GZMH: variants seen among roughly 807,000 people sequenced by gnomAD.
The protein encoded by GZMH is granzyme H, also known as cathepsin G-like 2, protein h-CCPX.
In GZMH, 24 loss-of-function variants were observed where a neutral mutation model predicts 20.7. The ratio of observed to expected loss-of-function variants is 1.16; its 90% CI spans 0.84 to 1.63. The LOEUF (loss-of-function observed/expected upper bound fraction) is 1.63, where lower values mean the gene tolerates loss of function less well. GZMH is among the 40% of genes most tolerant of loss of function. The probability of loss-of-function intolerance (pLI) is 0.00; values close to 1 mark genes in which losing one functional copy is unlikely to be tolerated. For synonymous variants in GZMH, 119 were observed against 116.1 expected, an observed-to-expected ratio of 1.02 and a Z score of -0.16; for missense variants, 344 against 302.7, an observed-to-expected ratio of 1.14 and a Z score of -1.01.
In GZMH at chr14:24,608,393, A is replaced by T; in HGVS notation, c.75T>A (p.His25Gln). 1 of 1,614,066 alleles carries T rather than the reference A, an allele frequency of 6.2e-7. No homozygotes were observed. The highest frequency in any genetic ancestry group is 2.2e-5 in the East Asian group (1 of 44,884). The stretch of plus-strand genomic sequence containing the variant: ...AGGGGCGGGAGTGGGGCTTGGCCTC[A>T]TGGCCCCCGATGATCTCCTCTGAAA... The part of the protein sequence containing the change: ...GAGTEEIIGG[H>Q]EAKPHSRPYM... The change falls in exon 2 of 5, where the codon CAT becomes CAA. Residue 25 changes from histidine to glutamine, a missense_variant. His to Gln is a conservative substitution (Grantham distance 24, BLOSUM62 0). Transcript: ENST00000216338.
chr14:24,606,657 G>A lies in GZMH; in HGVS notation c.687C>T (p.Tyr229=), dbSNP rs199784429. Reference sequence around the variant, plus strand: ...AGGGCAGGAAGTGTGAGACCTTGATGTAGACTCCTGGAGGTGTCCCTTTTT... The same window carrying A: ...AGGGCAGGAAGTGTGAGACCTTGATATAGACTCCTGGAGGTGTCCCTTTTT... ...GNKKGTPPGV[Y]IKVSHFLPWI... The change falls in exon 5 of 5, where the codon TAC becomes TAT. Residue 229 remains tyrosine (Y), a synonymous_variant. Coordinates refer to ENST00000216338, the MANE Select transcript of GZMH (RefSeq NM_033423.5). 2.2e-4 allele frequency: 347 copies of A among 1,613,864 alleles called. 4 individuals carry two copies. The South Asian group carries it at 3.3e-3, about 15-fold the overall frequency.
Position 24,607,331 on chromosome 14 carries a change from C to A in GZMH, c.415G>T (p.Gly139Trp). The A allele has an allele frequency of 6.2e-7, 1 of 1,613,162 alleles. No individual in the cohort carries two copies. The highest frequency in any genetic ancestry group is 1.1e-5 in the South Asian group (1 of 91,058). Residue 139 changes from glycine to tryptophan, a missense_variant, in exon 4 of 5, where the codon GGG (glycine) becomes TGG (tryptophan). By Grantham distance (184) the Gly-to-Trp change is radical. Transcript: ENST00000216338. ...CAGCCAGCCACACTGCACAGCTGCC[C>A]TGGCTTCACCTGGGCCTTGCTGCTA... is the stretch of plus-strand genomic sequence containing the variant. ...LPSSKAQVKP[G>W]QLCSVAGWGY...
chr14:24,606,899 C>G (rs1237912724), intron 4 of GZMH, among the ~76,000 whole-genome samples, 153 bp from the exon 5 acceptor site: 1 of 152,130 alleles, frequency 6.6e-6, no homozygotes, highest in African/African-American at 2.4e-5. Context: ...CTTTCTGGCT[C>G]TCCCCAGACC....
chr14:24,609,434 A>C, intron 1 of GZMH, 125 bp downstream of exon 1: 1 of 597,862 alleles, frequency 1.7e-6, no homozygotes, highest in Non-Finnish European at 3.0e-6. Flanking sequence ...CTAGCCTCAG[A>C]TTTATAAGTC....
At chr14:24,609,106 C>T (rs1007644669) in intron 1 of GZMH, among the ~76,000 whole-genome samples, 1 of 152,178 alleles carries the variant, frequency 6.6e-6, no homozygotes, top group African/African-American at 2.4e-5. Context: ...ACACAGTCAT[C>T]TTGCCATCTC....
intron 2 of GZMH, among the ~76,000 whole-genome samples, chr14:24,608,044 A>T (rs2066884368): frequency 6.6e-6 from 1 of 152,164 alleles, no homozygotes; most frequent in Non-Finnish European, 1.5e-5. Flanking sequence ...AGTGTGTGAA[A>T]CCATGCCACT....
rs577036772 is a variant in GZMH, at chr14:24,606,821, A to G, written c.598-75T>C. On this transcript the variant is annotated intron_variant, in intron 4 of 4. Transcript: ENST00000216338. The stretch of plus-strand genomic sequence containing the variant: ...GTCTCTGTTATGGATTTTGTGTGAC[A>G]TCAGTGCCAGGCAGGCCTTGTCACT... 7.8e-5 allele frequency: 108 copies of G among 1,384,422 alleles called. No homozygotes were observed. The African/African-American group carries it at 1.5e-3, about 19-fold the overall frequency. The allele number at this position is 1,384,422 out of a possible 1,614,324, so 85.8% of individuals were successfully genotyped here.
intron 1 of GZMH, among the ~76,000 whole-genome samples, 156 bp downstream of exon 1, chr14:24,609,403 C>T (rs376150214): frequency 1.3e-3 from 197 of 152,274 alleles, no homozygotes; most frequent in Middle Eastern, 6.8e-3. Context: ...CTTCATTTTT[C>T]GATCTTTGCT....
chr14:24,607,079 G>A, intron 4 of GZMH, 70 bp downstream of exon 4: 1 of 1,501,532 alleles, frequency 6.7e-7, no homozygotes, highest in Non-Finnish European at 9.1e-7. Flanking sequence ...TCTGGCCACT[G>A]TCATACCCCA....
At position 24,607,555 on chromosome 14, in the gene GZMH, A is replaced by G. The variant is rs546529881; in HGVS notation, c.339+57T>C. 54 of 1,611,658 alleles carry G rather than the reference A, an allele frequency of 3.4e-5. No homozygotes were observed. In the African/African-American group the frequency reaches 6.8e-4, roughly 20 times the overall value. On this transcript the variant is annotated intron_variant, in intron 3 of 4. Coordinates refer to ENST00000216338, the MANE Select transcript of GZMH (RefSeq NM_033423.5). ...GAAAGGAGGAAAGGGCCGGCATCCCAGTGGGAGTGGAACCAACTGGACCAA... is the reference window on the plus strand; with the variant it reads ...GAAAGGAGGAAAGGGCCGGCATCCCGGTGGGAGTGGAACCAACTGGACCAA...
At chr14:24,607,870 G>A (rs2066883120) in intron 2 of GZMH, 123 bp from the exon 3 acceptor site, 2 of 1,427,396 alleles carry the variant, frequency 1.4e-6, no homozygotes, top group Non-Finnish European at 9.7e-7. Context: ...GAAGGGACAG[G>A]AGGGCTCCAG....
At chr14:24,607,542 G>T in intron 3 of GZMH, 70 bp downstream of exon 3, 1 of 1,610,454 alleles carries the variant, frequency 6.2e-7, no homozygotes, top group Non-Finnish European at 8.5e-7. Context: ...AAGGAGGAAA[G>T]GGCCGGCATC....
At chr14:24,607,003 A>T in intron 4 of GZMH, 146 bp downstream of exon 4, 1 of 838,358 alleles carries the variant, frequency 1.2e-6, no homozygotes, top group Non-Finnish European at 1.9e-6. Flanking sequence ...CCACCCAAGG[A>T]GTGGACTAAA....
chr14:24,607,431 C>G (rs751571230), intron 3 of GZMH, 25 bp from the exon 4 acceptor site: 2 of 1,579,906 alleles, frequency 1.3e-6, no homozygotes, highest in East Asian at 2.2e-5. Context: ...GCAAGAAAGT[C>G]CAGGTCAGGC....
rs1361243645 is a variant in GZMH, at chr14:24,608,378, G to A, written c.90C>T (p.His30=). The A allele has an allele frequency of 2.0e-5, 32 of 1,614,042 alleles. No homozygotes were observed. Among genetic ancestry groups the A allele is most frequent in the African/African-American group, 2.7e-5 (2 of 74,950 alleles). ...EIIGGHEAKP[H]SRPYMAFVQF... is the part of the protein sequence containing the mutation. ...GAACAAAGGCCATGTAGGGGCGGGAGTGGGGCTTGGCCTCATGGCCCCCGA... is the reference window on the plus strand; with the variant it reads ...GAACAAAGGCCATGTAGGGGCGGGAATGGGGCTTGGCCTCATGGCCCCCGA... The change falls in exon 2 of 5, where the codon CAC becomes CAT. Residue 30 remains histidine (H), a synonymous_variant. Transcript: ENST00000216338.
Position 24,607,757 on chromosome 14 carries a change from G to C in GZMH, c.204-10C>G, listed in dbSNP as rs774466889. 4.3e-6 allele frequency: 7 copies of C among 1,614,172 alleles called. No individual in the cohort carries two copies. Among genetic ancestry groups the C allele is most frequent in the South Asian group, 3.3e-5 (3 of 91,078 alleles). ...GGTGACATTTATGGAGCTGCACAGA[G>C]AGCAGAGTGAGGATGGGGGTGGAGT... On this transcript the variant is annotated splice_polypyrimidine_tract_variant and intron_variant, in intron 2 of 4. Transcript: ENST00000216338.
At chr14:24,608,552 GT>G in intron 1 of GZMH, 140 bp from the exon 2 acceptor site, 1 of 846,422 alleles carries the variant, frequency 1.2e-6, no homozygotes, top group East Asian at 2.5e-5. Flanking sequence ...TCTGCAGGCA[GT>G]ACTCCTTGCA....
At position 24,607,648 on chromosome 14, in the gene GZMH, A is replaced by T; in HGVS notation, c.303T>A (p.Asn101Lys). The change falls in exon 3 of 5, where the codon AAT (asparagine) becomes AAA (lysine). Residue 101 changes from asparagine to lysine, a missense_variant. Transcript: ENST00000216338. ...TGATGTCGTTGGAGAAGTTCTTAGG[A>T]TTATAGGCTGGATGGGGGATGGGTC... ...VKRPIPHPAY[N>K]PKNFSNDIML... The T allele has an allele frequency of 6.2e-7, 1 of 1,613,060 alleles. No homozygotes were observed. Among genetic ancestry groups the T allele is most frequent in the South Asian group, 1.1e-5 (1 of 91,026 alleles).
chr14:24,607,060 G>A, intron 4 of GZMH, 89 bp downstream of exon 4: 1 of 1,344,724 alleles, frequency 7.4e-7, no homozygotes, highest in Non-Finnish European at 1.0e-6. Context: ...TGGGCTGAGA[G>A]CATAAAGATC....
Sources: allele counts gnomAD v4.1 joint callset (sites outside exome capture counted in the v4.1 genomes callset), GRCh38; gene constraint gnomAD v4.1.1; transcripts MANE v1.5; gene names NCBI Gene and HGNC (gene_info 2026-07-23, HGNC 2026-07-21).